CCDC60: variants seen among roughly 807,000 people sequenced by gnomAD.
CCDC60 encodes coiled-coil domain-containing protein 60.
Under a neutral mutation model 63.5 loss-of-function variants are expected in CCDC60, and 54 were observed. That is an observed-to-expected ratio of 0.85 (90% CI 0.68 to 1.07). CCDC60 has a LOEUF of 1.07. CCDC60 is among the 50% of genes least tolerant of loss of function. CCDC60 has a pLI of 0.00. For synonymous variants in CCDC60, 206 were observed against 238.8 expected (o/e 0.86, Z 1.27); for missense variants, 651 against 684.3 (o/e 0.95, Z 0.54).
intron 13 of CCDC60, among the ~76,000 whole-genome samples, chr12:119,531,543 T>G (rs958565860): frequency 6.6e-6 from 1 of 152,266 alleles, no homozygotes; most frequent in Non-Finnish European, 1.5e-5. Context: ...AAGGTGACTT[T>G]TAAGGCAAGA....
At chr12:119,408,012 A>C (rs2136191247) in intron 1 of CCDC60, among the ~76,000 whole-genome samples, 1 of 152,356 alleles carries the variant, frequency 6.6e-6, no homozygotes, top group Admixed American at 6.5e-5. Context: ...TAGAAATAAA[A>C]AGGTTTTTTT....
chr12:119,471,861 T>C (rs1194071619), intron 2 of CCDC60, 133 bp from the exon 3 acceptor site: 2 of 647,706 alleles, frequency 3.1e-6, no homozygotes, highest in Admixed American at 5.9e-5. Flanking sequence ...TCTACCTGTT[T>C]CTTTCTCTCT....
chr12:119,485,367 T>C (rs1320623638), intron 4 of CCDC60, among the ~76,000 whole-genome samples: 1 of 152,184 alleles, frequency 6.6e-6, no homozygotes, highest in Non-Finnish European at 1.5e-5. Flanking sequence ...AACTCCAGGC[T>C]GGAGAGGCGG....
At chr12:119,398,445 G>A (rs1956325589) in intron 1 of CCDC60, among the ~76,000 whole-genome samples, 1 of 152,152 alleles carries the variant, frequency 6.6e-6, no homozygotes, top group Non-Finnish European at 1.5e-5. Context: ...GCAAGCAGAG[G>A]GAACCAGCTC....
intron 2 of CCDC60, 29 bp from the exon 3 acceptor site, chr12:119,471,965 T>C: frequency 6.3e-7 from 1 of 1,599,974 alleles, no homozygotes; most frequent in Non-Finnish European, 8.5e-7. Context: ...TTCCTCCCTC[T>C]CTCCCTCTTC....
At chr12:119,357,748 C>G (rs2136160759) in intron 1 of CCDC60, among the ~76,000 whole-genome samples, 1 of 152,344 alleles carries the variant, frequency 6.6e-6, no homozygotes, top group South Asian at 2.1e-4. Flanking sequence ...GCCACCGTGC[C>G]TGGCTGAGAT....
At chr12:119,432,996 T>C (rs926559277) in intron 2 of CCDC60, among the ~76,000 whole-genome samples, 6 of 152,146 alleles carry the variant, frequency 3.9e-5, no homozygotes, top group Non-Finnish European at 7.4e-5. Flanking sequence ...GTGGAAATAG[T>C]ATATAAGGAG....
chr12:119,373,850 G>A (rs185046195), intron 1 of CCDC60, among the ~76,000 whole-genome samples: 63 of 152,196 alleles, frequency 4.1e-4, no homozygotes, highest in Admixed American at 3.0e-3. Flanking sequence ...CATTTTTCAC[G>A]TTTCATTTGT....
intron 1 of CCDC60, among the ~76,000 whole-genome samples, chr12:119,378,671 C>T (rs1829448224): frequency 6.6e-6 from 1 of 152,194 alleles, no homozygotes; most frequent in Admixed American, 6.5e-5. Flanking sequence ...TGGTGCCTGC[C>T]TCCCCAGACA....
intron 2 of CCDC60, among the ~76,000 whole-genome samples, chr12:119,438,111 C>A (rs1950362961): frequency 6.6e-6 from 1 of 152,168 alleles, no homozygotes; most frequent in African/African-American, 2.4e-5. Context: ...GAGGCCCTAC[C>A]TATTTTTCTC....
At chr12:119,531,237 G>A (rs1952832850) in intron 13 of CCDC60, among the ~76,000 whole-genome samples, 174 bp downstream of exon 13, 1 of 152,156 alleles carries the variant, frequency 6.6e-6, no homozygotes, top group Non-Finnish European at 1.5e-5. Flanking sequence ...CCAACTGCAA[G>A]GGACATTATA....
At chr12:119,435,298 C>T (rs1325132141) in intron 2 of CCDC60, among the ~76,000 whole-genome samples, 1 of 152,114 alleles carries the variant, frequency 6.6e-6, no homozygotes, top group Non-Finnish European at 1.5e-5. Context: ...AGGGGGAAGG[C>T]TTATTAGCTT....
chr12:119,376,294 T>C (rs1955949800), intron 1 of CCDC60, among the ~76,000 whole-genome samples: 1 of 152,174 alleles, frequency 6.6e-6, no homozygotes, highest in Admixed American at 6.5e-5. Context: ...CCTCCTGTCC[T>C]ATCTTTCCAG....
intron 1 of CCDC60, among the ~76,000 whole-genome samples, chr12:119,411,701 G>A (rs540951148): frequency 1.2e-4 from 19 of 152,084 alleles, no homozygotes; most frequent in African/African-American, 4.3e-4. Flanking sequence ...TGACCTTCTC[G>A]GGAGAGAAAG....
At chr12:119,492,945 T>C (rs1347514626) in intron 5 of CCDC60, among the ~76,000 whole-genome samples, 1 of 152,218 alleles carries the variant, frequency 6.6e-6, no homozygotes, top group Non-Finnish European at 1.5e-5. Flanking sequence ...AAGGAACTTC[T>C]GAGCAGAATT....
chr12:119,468,532 A>G (rs1239848842), intron 2 of CCDC60, among the ~76,000 whole-genome samples: 1 of 152,234 alleles, frequency 6.6e-6, no homozygotes, highest in Non-Finnish European at 1.5e-5. Flanking sequence ...AAAAAATTTT[A>G]CATGAGCTGA....
At position 119,408,824 on chromosome 12, in the gene CCDC60, C is replaced by CAA. The variant is rs36061123; in HGVS notation, c.91-19850_91-19849dup. Among the ~76,000 whole-genome samples the CAA allele has an allele frequency of 7.8e-4, 106 of 135,320 alleles. 1 individual carries two copies. The highest frequency in any genetic ancestry group is 3.7e-3 in the Middle Eastern group (1 of 268). 88.8% of individuals were successfully genotyped at this position (135,320 alleles called of 152,430 possible). On this transcript the variant is annotated intron_variant, in intron 1 of 13. Coordinates refer to ENST00000327554, the MANE Select transcript of CCDC60 (RefSeq NM_178499.5). ...TGGGTGACAGAGCGAGACTCCGTCT[C>CAA]AAAAAAAAAACAAAGAGTAATAGCA... is the stretch of plus-strand genomic sequence containing the variant.
At chr12:119,342,719 G>C (rs372241840) in intron 1 of CCDC60, among the ~76,000 whole-genome samples, 2 of 152,196 alleles carry the variant, frequency 1.3e-5, no homozygotes, top group East Asian at 3.8e-4. Flanking sequence ...GCCAAGCATG[G>C]TTATAGGTGG....
In CCDC60 at chr12:119,406,068, G is replaced by A. The variant is rs182958247; in HGVS notation, c.91-22615G>A. ...TGCCTGTAATCCCAGCTATTCAGGA[G>A]GCTGAGGCAGGAGAATCGCTTGAAC... On this transcript the variant is annotated intron_variant, in intron 1 of 13. Transcript: ENST00000327554. 3.0e-4 allele frequency among the ~76,000 whole-genome samples: 46 copies of A among 152,270 alleles called. 1 individual carries two copies. In the South Asian group the frequency reaches 3.5e-3, roughly 12 times the overall value.
Sources: gnomAD v4.1 joint callset for allele counts (sites outside exome capture counted in the v4.1 genomes callset) on GRCh38, gnomAD v4.1.1 for gene constraint, MANE v1.5 for transcripts, NCBI Gene and HGNC (gene_info 2026-07-23, HGNC 2026-07-21) for gene names.